The following MRPL13 variants were observed in gnomAD, a reference collection of about 807,000 sequenced individuals.
MRPL13 encodes mitochondrial ribosomal protein L13.
Under a neutral mutation model 29.0 loss-of-function variants are expected in MRPL13, and 33 were observed. That is an observed-to-expected ratio of 1.14 (90% CI 0.86 to 1.52). The LOEUF is 1.52. Ranked by LOEUF, MRPL13 falls within the 40% of genes most tolerant of loss-of-function variation. MRPL13 has a pLI of 0.00. For missense variants in MRPL13, 227 were observed against 216.7 expected, an observed-to-expected ratio of 1.05 and a Z score of -0.30; for synonymous variants, 77 against 68.4, an observed-to-expected ratio of 1.13 and a Z score of -0.62.
intron 6 of MRPL13, among the ~76,000 whole-genome samples, chr8:120,404,047 C>T (rs1039001453): frequency 1.3e-5 from 2 of 152,220 alleles, no homozygotes; most frequent in Non-Finnish European, 2.9e-5. Flanking sequence ...AAATAACAAT[C>T]TGATGACAGC....
intron 3 of MRPL13, among the ~76,000 whole-genome samples, chr8:120,428,247 G>C (rs1303352097): frequency 1.3e-5 from 2 of 151,912 alleles, no homozygotes; most frequent in East Asian, 3.9e-4. Context: ...ATGGAGAAAG[G>C]ATTCCCTGTT....
intron 4 of MRPL13, 95 bp downstream of exon 4, chr8:120,425,211 G>C: frequency 1.1e-6 from 1 of 910,262 alleles, no homozygotes; most frequent in South Asian, 1.6e-5. Flanking sequence ...ATCCTTGAAT[G>C]CTAACTATAT....
chr8:120,405,911 T>C (rs1259574860), intron 6 of MRPL13, among the ~76,000 whole-genome samples: 1 of 152,218 alleles, frequency 6.6e-6, no homozygotes, highest in Admixed American at 6.5e-5. Flanking sequence ...AATGCTTAAA[T>C]ATTTGAAACT....
At chr8:120,444,425 A>C (rs191866269) in intron 1 of MRPL13, among the ~76,000 whole-genome samples, 1 of 152,242 alleles carries the variant, frequency 6.6e-6, no homozygotes, top group Non-Finnish European at 1.5e-5. Context: ...ACAAACCAAA[A>C]AACCTTGGGG....
intron 3 of MRPL13, among the ~76,000 whole-genome samples, chr8:120,427,582 C>T (rs1356738355): frequency 6.6e-6 from 1 of 151,966 alleles, no homozygotes. Context: ...TCACAACTGC[C>T]ACAAAAAGAA....
In MRPL13 at chr8:120,419,896, G is replaced by A; in HGVS notation, c.349C>T (p.His117Tyr). The A allele has an allele frequency of 1.3e-6, 2 of 1,595,840 alleles. No individual in the cohort carries two copies. The highest frequency in any genetic ancestry group is 8.5e-7 in the Non-Finnish European group (1 of 1,171,258). The change falls in exon 5 of 7, where the codon CAC becomes TAC. Residue 117 changes from histidine (H) to tyrosine (Y), a missense_variant. By Grantham distance (83) the His-to-Tyr change is moderately conservative. Coordinates refer to ENST00000306185, the MANE Select transcript of MRPL13 (RefSeq NM_014078.6). ...AIYGMLPKNL[H>Y]RRTMMERLHL... ...AACCTTTCCATCATTGTTCTTCTGT[G>A]AAGGTTTTTTGGCAGCATGCCATAA...
At chr8:120,434,614 G>A (rs748350660) in intron 2 of MRPL13, among the ~76,000 whole-genome samples, 3 of 152,010 alleles carry the variant, frequency 2.0e-5, no homozygotes, top group South Asian at 2.1e-4. Flanking sequence ...AATTGATCAC[G>A]TATTCTTTTC....
intron 2 of MRPL13, among the ~76,000 whole-genome samples, chr8:120,436,898 C>T (rs1586928146): frequency 6.6e-6 from 1 of 152,302 alleles, no homozygotes; most frequent in African/African-American, 2.4e-5. Context: ...CAAATGGCTA[C>T]TTCAGTGTTA....
intron 6 of MRPL13, among the ~76,000 whole-genome samples, chr8:120,408,569 ACTG>A (rs1236729830): frequency 2.6e-5 from 4 of 152,188 alleles, no homozygotes; most frequent in African/African-American, 9.7e-5. Flanking sequence ...CCAGCTAGTA[ACTG>A]CTGACTGTGA....
At chr8:120,442,911 C>T (rs963746098) in intron 2 of MRPL13, among the ~76,000 whole-genome samples, 3 of 152,026 alleles carry the variant, frequency 2.0e-5, no homozygotes, top group Non-Finnish European at 4.4e-5. Flanking sequence ...TGGGGCAAAT[C>T]AGGTTATTTC....
chr8:120,408,899 C>T (rs1409569734), intron 6 of MRPL13, among the ~76,000 whole-genome samples: 1 of 152,186 alleles, frequency 6.6e-6, no homozygotes. Flanking sequence ...GGATGCTCAC[C>T]AATGCAGTGC....
At chr8:120,415,460 C>T (rs1812792660) in intron 5 of MRPL13, 1 of 151,458 alleles carries the variant, frequency 6.6e-6, no homozygotes, top group Non-Finnish European at 1.5e-5. Context: ...TGTCTTAAGA[C>T]ATGTTGTCTT....
At chr8:120,413,276 A>G (rs1293343215) in intron 6 of MRPL13, among the ~76,000 whole-genome samples, 1 of 152,254 alleles carries the variant, frequency 6.6e-6, no homozygotes, top group Non-Finnish European at 1.5e-5. Flanking sequence ...AATAAGACAA[A>G]CATGTAGCTC....
In MRPL13 at chr8:120,420,488, AATAT is replaced by A. The variant is rs561103646; in HGVS notation, c.307-554_307-551del. Among the ~76,000 whole-genome samples, 115 of 147,430 alleles carry A rather than the reference AATAT, an allele frequency of 7.8e-4. 1 individual carries two copies. The highest frequency in any genetic ancestry group is 2.5e-3 in the African/African-American group (102 of 40,700). ...TATAAACATATATAAATATATATAA[AATAT>A]ATATAAATATATATATATTTATGTT... On this transcript the variant is annotated intron_variant, in intron 4 of 6. Coordinates refer to ENST00000306185, the MANE Select transcript of MRPL13 (RefSeq NM_014078.6).
At position 120,442,480 on chromosome 8, in the gene MRPL13, A is replaced by T. The variant is rs115747968; in HGVS notation, c.151+705T>A. Reference sequence around the variant, plus strand: ...ATTGTTATGGTTAATTTTCTTTAAAATATCACATATTTTTATATATACATA... The same window carrying T: ...ATTGTTATGGTTAATTTTCTTTAAATTATCACATATTTTTATATATACATA... On this transcript the variant is annotated intron_variant, in intron 2 of 6. Coordinates refer to ENST00000306185, the MANE Select transcript of MRPL13 (RefSeq NM_014078.6). 3.6e-3 allele frequency among the ~76,000 whole-genome samples: 554 copies of T among 152,332 alleles called. 5 individuals carry two copies. Among genetic ancestry groups the T allele is most frequent in the African/African-American group, 0.013 (521 of 41,588 alleles).
chr8:120,432,534 T>C (rs1813007121), intron 2 of MRPL13, among the ~76,000 whole-genome samples: 1 of 152,070 alleles, frequency 6.6e-6, no homozygotes, highest in African/African-American at 2.4e-5. Flanking sequence ...ACAGTATGTA[T>C]ATAGATATAA....
At chr8:120,414,561 T>C (rs1190785570) in intron 5 of MRPL13, 1 of 152,252 alleles carries the variant, frequency 6.6e-6, no homozygotes, top group Non-Finnish European at 1.5e-5. Flanking sequence ...TTGTGCCAGG[T>C]GCTGGCCATA....
intron 6 of MRPL13, among the ~76,000 whole-genome samples, chr8:120,399,646 T>C (rs1439363050): frequency 6.6e-6 from 1 of 152,088 alleles, no homozygotes; most frequent in African/African-American, 2.4e-5. Context: ...ATAACAATAT[T>C]AACCTTAAAT....
At chr8:120,427,887 G>A (rs1018138156) in intron 3 of MRPL13, among the ~76,000 whole-genome samples, 1 of 151,932 alleles carries the variant, frequency 6.6e-6, no homozygotes, top group Admixed American at 6.6e-5. Context: ...GGAAGAATCA[G>A]TATTGTTAAA....
Sources: allele counts gnomAD v4.1 joint callset (sites outside exome capture counted in the v4.1 genomes callset), GRCh38; gene constraint gnomAD v4.1.1; transcripts MANE v1.5; gene names NCBI Gene and HGNC (gene_info 2026-07-23, HGNC 2026-07-21).